ANKFN1: variants seen among roughly 807,000 people sequenced by gnomAD.
ANKFN1 encodes ankyrin repeat and fibronectin type III domain containing 1, also known as ankyrin repeat and fibronectin type-III domain-containing protein 1.
ANKFN1 carries 74 observed loss-of-function variants against 108.7 expected under a neutral mutation model. That is an observed-to-expected ratio of 0.68 (90% CI 0.56 to 0.83). The LOEUF (loss-of-function observed/expected upper bound fraction) is 0.83. Among genes scored for constraint, ANKFN1 ranks in the 40% least tolerant of loss-of-function variants. ANKFN1 has a pLI of 0.00. For missense variants in ANKFN1, 1,505 were observed against 1,382.3 expected (o/e 1.09, Z -1.41); for synonymous variants, 547 against 516.2 (o/e 1.06, Z -0.81).
rs141983010 is a variant in ANKFN1, at chr17:56,227,958, G to T, written c.53+1G>T. ...ACAGGCATTTTACTTGCAGCAAAATGTAAGTACATTTCCTCCTTGAAATGG... is the reference window on the plus strand; with the variant it reads ...ACAGGCATTTTACTTGCAGCAAAATTTAAGTACATTTCCTCCTTGAAATGG... On this transcript the variant is annotated splice_donor_variant, in intron 3 of 20. Coordinates refer to ENST00000682825, the MANE Select transcript of ANKFN1 (RefSeq NM_001370326.1). LOFTEE classifies it high-confidence loss of function. 1.5e-4 allele frequency: 238 copies of T among 1,605,500 alleles called. No individual in the cohort carries two copies. The highest frequency in any genetic ancestry group is 1.9e-4 in the Non-Finnish European group (224 of 1,177,116).
Position 56,510,907 on chromosome 17 carries a change from CTAT to C in ANKFN1, c.3080_3082del (p.Leu1027_Ser1028delinsPro), listed in dbSNP as rs1429702062. The C allele has an allele frequency of 2.0e-6, 3 of 1,536,186 alleles. No homozygotes were observed. The highest frequency in any genetic ancestry group is 2.6e-6 in the Non-Finnish European group (3 of 1,146,914). On this transcript the variant is annotated inframe_deletion, in exon 21 of 21. Coordinates refer to ENST00000682825, the MANE Select transcript of ANKFN1 (RefSeq NM_001370326.1). The stretch of plus-strand genomic sequence containing the variant: ...GCGCATCCACAGCGAGACCCAGTCG[CTAT>C]CGCTCTCTGAGGGCATTTATACACA...
chr17:56,269,675 A>C (rs1016695512), intron 3 of ANKFN1, among the ~76,000 whole-genome samples: 2 of 152,248 alleles, frequency 1.3e-5, no homozygotes, highest in Non-Finnish European at 2.9e-5. Context: ...TTTAACCCGC[A>C]GCATAACAAG....
intron 3 of ANKFN1, among the ~76,000 whole-genome samples, chr17:56,235,594 C>A (rs1007818459): frequency 6.6e-6 from 1 of 152,146 alleles, no homozygotes; most frequent in East Asian, 1.9e-4. Flanking sequence ...ACCCCAGCAC[C>A]ATTTCTTGAA....
chr17:56,393,052 A>G (rs991847551), intron 8 of ANKFN1, among the ~76,000 whole-genome samples: 5 of 152,036 alleles, frequency 3.3e-5, no homozygotes, highest in Admixed American at 1.3e-4. Flanking sequence ...AGGCTATAAA[A>G]TATCCCCTGT....
chr17:56,298,000 G>A (rs1031595128), intron 3 of ANKFN1, among the ~76,000 whole-genome samples: 3 of 152,216 alleles, frequency 2.0e-5, no homozygotes, highest in African/African-American at 4.8e-5. Context: ...ACCTTGTAGA[G>A]CAGTGGATCT....
intron 20 of ANKFN1, among the ~76,000 whole-genome samples, chr17:56,505,357 C>A (rs1456306595): frequency 1.3e-5 from 2 of 152,260 alleles, no homozygotes; most frequent in South Asian, 4.2e-4. Flanking sequence ...TTACTGAGAG[C>A]CTTCTATGTA....
At chr17:56,440,211 G>A in intron 8 of ANKFN1, 116 bp from the exon 9 acceptor site, 1 of 469,100 alleles carries the variant, frequency 2.1e-6, no homozygotes, top group Non-Finnish European at 3.8e-6. Flanking sequence ...AAAGGAGGGT[G>A]CACTTAACTC....
chr17:56,126,121 A>T (rs182972681), intron 4 of ANKFN1, among the ~76,000 whole-genome samples: 1 of 152,222 alleles, frequency 6.6e-6, no homozygotes, highest in African/African-American at 2.4e-5. Flanking sequence ...GCAAAGTCAC[A>T]CTTTGGAGAA....
intron 8 of ANKFN1, among the ~76,000 whole-genome samples, chr17:56,392,490 C>T (rs953733487): frequency 5.9e-5 from 9 of 152,176 alleles, no homozygotes; most frequent in Non-Finnish European, 1.5e-5. Flanking sequence ...GGATGCACTT[C>T]CCAGTAGGGC....
rs1290440905 is a variant in ANKFN1 at position 56,388,385 on chromosome 17, G to T, written c.910+13671G>T. 3.3e-5 allele frequency among the ~76,000 whole-genome samples: 5 copies of T among 151,920 alleles called. No homozygotes were observed. The South Asian group carries it at 8.3e-4, about 25-fold the overall frequency. ...GACCTCTAGTGATCCACCCACCTTG[G>T]CCTCCCAAAGTGCTAGGATTACAGG... is the stretch of plus-strand genomic sequence containing the variant. On this transcript the variant is annotated intron_variant, in intron 8 of 20. Coordinates refer to ENST00000682825, the MANE Select transcript of ANKFN1 (RefSeq NM_001370326.1).
chr17:56,067,416 C>T lies in ANKFN1; in HGVS notation c.288+21091C>T, dbSNP rs891129450. 2.2e-4 allele frequency among the ~76,000 whole-genome samples: 33 copies of T among 152,212 alleles called. 1 individual carries two copies. The highest frequency in any genetic ancestry group is 4.2e-4 in the South Asian group (2 of 4,810). The stretch of plus-strand genomic sequence containing the variant: ...CTGCTCTGAACTTTTCTGCCTTCCT[C>T]GGTGCCTTCTTTATCTCATGGCCTC... On this transcript the variant is annotated intron_variant, in intron 4 of 12. Coordinates refer to the ANKFN1 transcript ENST00000635860.
At chr17:56,074,505 A>G (rs986033384) in intron 4 of ANKFN1, among the ~76,000 whole-genome samples, 1 of 152,198 alleles carries the variant, frequency 6.6e-6, no homozygotes, top group African/African-American at 2.4e-5. Flanking sequence ...TTGCTAAAGA[A>G]ATGCCTGGGA....
chr17:56,068,979 C>T (rs973629971), intron 4 of ANKFN1, among the ~76,000 whole-genome samples: 5 of 152,096 alleles, frequency 3.3e-5, no homozygotes, highest in Admixed American at 6.6e-5. Flanking sequence ...GAATTAATGT[C>T]CCCCTCCTAT....
intron 4 of ANKFN1, among the ~76,000 whole-genome samples, chr17:56,116,226 C>T (rs1040497579): frequency 6.6e-6 from 1 of 152,116 alleles, no homozygotes. Context: ...CATACAATCT[C>T]TTGAATTCAG....
chr17:56,279,480 G>A (rs966911076), intron 3 of ANKFN1, among the ~76,000 whole-genome samples: 1 of 152,298 alleles, frequency 6.6e-6, no homozygotes, highest in African/African-American at 2.4e-5. Flanking sequence ...ACAGTCTTTT[G>A]TTTTTATAGC....
intron 3 of ANKFN1, among the ~76,000 whole-genome samples, chr17:56,244,976 C>T (rs866616626): frequency 9.2e-5 from 14 of 152,156 alleles, no homozygotes; most frequent in Middle Eastern, 3.4e-3. Flanking sequence ...AAGAGGCTTT[C>T]AATAATATTG....
chr17:56,440,642 A>T (rs766141678), intron 9 of ANKFN1, among the ~76,000 whole-genome samples: 37 of 152,150 alleles, frequency 2.4e-4, no homozygotes, highest in Non-Finnish European at 2.8e-4. Flanking sequence ...TTCTAAGGAG[A>T]TCAGAAAAAG....
intron 4 of ANKFN1, among the ~76,000 whole-genome samples, chr17:56,060,492 G>A (rs1050371346): frequency 1.3e-5 from 2 of 152,012 alleles, no homozygotes; most frequent in South Asian, 2.1e-4. Flanking sequence ...CGAGAGAGGG[G>A]ATCCTTTTCT....
chr17:56,325,175 A>G (rs544271415), intron 3 of ANKFN1, among the ~76,000 whole-genome samples: 2 of 152,324 alleles, frequency 1.3e-5, no homozygotes, highest in Admixed American at 6.5e-5. Flanking sequence ...TTACTCCTGA[A>G]GTCATCACAG....
Sources: gnomAD v4.1 joint callset for allele counts (sites outside exome capture counted in the v4.1 genomes callset) on GRCh38, gnomAD v4.1.1 for gene constraint, MANE v1.5 for transcripts, NCBI Gene and HGNC (gene_info 2026-07-23, HGNC 2026-07-21) for gene names.